The following OSMR variants were observed in gnomAD, a reference collection of about 807,000 sequenced individuals.
The protein encoded by OSMR is oncostatin-M-specific receptor subunit beta.
In OSMR, 81 loss-of-function variants were observed where a neutral mutation model predicts 99.9. The observed-to-expected ratio is 0.81, with a 90% confidence interval of 0.68 to 0.97. OSMR has a LOEUF of 0.97. Among genes scored for constraint, OSMR ranks in the 50% least tolerant of loss-of-function variants. The pLI is 0.00. For missense variants in OSMR, 1,099 were observed against 1,153.4 expected, an observed-to-expected ratio of 0.95 and a Z score of 0.68; for synonymous variants, 406 against 410.4, an observed-to-expected ratio of 0.99 and a Z score of 0.13.
Position 38,886,162 on chromosome 5 carries a change from C to A in OSMR, c.963C>A (p.Val321=). Residue 321 remains valine, a synonymous_variant, in exon 7 of 18, where the codon GTC becomes GTA. Transcript: ENST00000274276. The stretch of plus-strand genomic sequence containing the variant: ...AAAATTACTTAAGGAAGAGAAGTGT[C>A]AATATCCTTTTTAACCTGACTCATC... The part of the protein sequence containing the change: ...IAENYLRKRS[V]NILFNLTHRV... 1 of 1,613,960 alleles carries A rather than the reference C, an allele frequency of 6.2e-7. No homozygotes were observed. Among genetic ancestry groups the A allele is most frequent in the South Asian group, 1.1e-5 (1 of 91,044 alleles).
chr5:38,879,621 CCTT>C (rs1244891649), intron 3 of OSMR, among the ~76,000 whole-genome samples: 1 of 146,830 alleles, frequency 6.8e-6, no homozygotes, highest in Non-Finnish European at 1.5e-5. Flanking sequence ...AATATTTGCT[CCTT>C]TTTTTTTTTT....
chr5:38,940,141 AAC>A (rs1491035987), downstream of OSMR: 65 of 205,884 alleles, frequency 3.2e-4, no homozygotes, highest in South Asian at 1.0e-3. Context: ...AAAAAAAAAA[AAC>A]AAAAAAAAAA....
intron 7 of OSMR, among the ~76,000 whole-genome samples, chr5:38,897,289 T>C (rs539323140): frequency 1.3e-5 from 2 of 152,220 alleles, no homozygotes; most frequent in South Asian, 4.1e-4. Flanking sequence ...GGCTTTTCTT[T>C]GCTGAGAAAC....
chr5:38,932,433 A>C, intron 16 of OSMR, 30 bp from the exon 17 acceptor site: 3 of 1,507,520 alleles, frequency 2.0e-6, no homozygotes, highest in Non-Finnish European at 2.8e-6. Flanking sequence ...GTACTGTGAA[A>C]TTCAGTCTCA....
At chr5:38,931,041 A>G (rs1263731197) in intron 15 of OSMR, among the ~76,000 whole-genome samples, 5 of 151,150 alleles carry the variant, frequency 3.3e-5, no homozygotes, top group Non-Finnish European at 5.9e-5. Context: ...TCCCAGCTCT[A>G]TTTGTCAGGG....
Position 38,921,744 on chromosome 5 carries a change from T to C in OSMR, c.1715T>C (p.Phe572Ser). The C allele has an allele frequency of 6.2e-7, 1 of 1,614,122 alleles. No homozygotes were observed. Among genetic ancestry groups the C allele is most frequent in the Non-Finnish European group, 8.5e-7 (1 of 1,180,004 alleles). The change falls in exon 12 of 18, where the codon TTC (phenylalanine) becomes TCC (serine). Residue 572 changes from phenylalanine to serine, a missense_variant. Coordinates refer to ENST00000274276, the MANE Select transcript of OSMR (RefSeq NM_003999.3). ...CATACCCAGGATGTGCTCGGTGATT[T>C]CCAGTGGAAGAATGTAGGTCCCAAT... ...CDHTQDVLGD[F>S]QWKNVGPNTT...
At chr5:38,917,732 G>A in intron 10 of OSMR, 110 bp downstream of exon 10, 1 of 815,314 alleles carries the variant, frequency 1.2e-6, no homozygotes, top group Non-Finnish European at 2.1e-6. Flanking sequence ...CCAACTGGGA[G>A]GGATCTTCAC....
chr5:38,847,915 A>C (rs1419085916), intron 1 of OSMR, among the ~76,000 whole-genome samples: 10 of 152,162 alleles, frequency 6.6e-5, no homozygotes, highest in Non-Finnish European at 1.3e-4. Context: ...ATTGGGGAGA[A>C]CACATAAACA....
intron 9 of OSMR, among the ~76,000 whole-genome samples, chr5:38,906,171 GT>G (rs3840339): frequency 2.0e-5 from 3 of 148,604 alleles, no homozygotes; most frequent in East Asian, 2.0e-4. Flanking sequence ...TACGTTTTCT[GT>G]TTTTTTTTTG....
intron 11 of OSMR, 186 bp from the exon 12 acceptor site, chr5:38,921,429 G>A (rs565095246): frequency 5.3e-6 from 5 of 943,178 alleles, no homozygotes; most frequent in Admixed American, 6.2e-5. Context: ...GTGAATATTC[G>A]CTGGGAAGTA....
intron 7 of OSMR, among the ~76,000 whole-genome samples, chr5:38,901,103 G>A (rs746438213): frequency 2.6e-5 from 4 of 152,212 alleles, no homozygotes; most frequent in East Asian, 3.9e-4. Flanking sequence ...GGCGGCTGGC[G>A]TGGCCATTGC....
At chr5:38,932,596 G>T (rs1348721590) in intron 17 of OSMR, 61 bp downstream of exon 17, 10 of 1,573,974 alleles carry the variant, frequency 6.4e-6, no homozygotes, top group South Asian at 2.2e-5. Context: ...CAGAGTGGGG[G>T]CTGTCAGAAT....
rs1433952036 is a variant in OSMR at position 38,934,867 on chromosome 5, C to T, written c.*1423C>T. The T allele has an allele frequency of 6.6e-6, 1 of 152,026 alleles. No homozygotes were observed. The highest frequency in any genetic ancestry group is 1.5e-5 in the Non-Finnish European group (1 of 68,072). The allele number at this position is 152,026 out of a possible 1,614,324, so 9.4% of individuals were successfully genotyped here. On this transcript the variant is annotated 3_prime_UTR_variant, in exon 18 of 18. Coordinates refer to ENST00000274276, the MANE Select transcript of OSMR (RefSeq NM_003999.3). ...ATTTATTTTTTGAGATGAAATTTCGCTCTTGTTGCCCAGGCTGGAGTGCAA... is the reference window on the plus strand; with the variant it reads ...ATTTATTTTTTGAGATGAAATTTCGTTCTTGTTGCCCAGGCTGGAGTGCAA...
chr5:38,918,924 C>G lies in OSMR; in HGVS notation c.1447C>G (p.Leu483Val). 6.2e-7 allele frequency: 1 copy of G among 1,613,846 alleles called. No homozygotes were observed. The highest frequency in any genetic ancestry group is 8.5e-7 in the Non-Finnish European group (1 of 1,179,744). ...ENLDKPSSSE[L>V]HSIPAPANST... is the part of the protein sequence containing the mutation. ...CCTAGACAAACCATCCAGTTCAGAG[C>G]TCCATTCCATTCCAGCACCAGCCAA... The change falls in exon 11 of 18, where the codon CTC becomes GTC. Residue 483 changes from leucine to valine, a missense_variant. Coordinates refer to ENST00000274276, the MANE Select transcript of OSMR (RefSeq NM_003999.3).
chr5:38,872,758 C>T (rs1413818296), intron 2 of OSMR, among the ~76,000 whole-genome samples: 5 of 152,060 alleles, frequency 3.3e-5, no homozygotes, highest in African/African-American at 4.8e-5. Context: ...TTTATTTTTA[C>T]TTCCCTTTAT....
At chr5:38,863,133 C>A (rs1306566042) in intron 1 of OSMR, among the ~76,000 whole-genome samples, 1 of 140,448 alleles carries the variant, frequency 7.1e-6, no homozygotes, top group Non-Finnish European at 1.5e-5. Flanking sequence ...AGCTTCGGCT[C>A]GGCATCAGAG....
chr5:38,877,974 T>C (rs1742972557), intron 3 of OSMR, among the ~76,000 whole-genome samples: 1 of 152,044 alleles, frequency 6.6e-6, no homozygotes, highest in African/African-American at 2.4e-5. Flanking sequence ...CCCTTCAGGG[T>C]AGAGTTTTGC....
At chr5:38,856,784 G>T (rs574921502) in intron 1 of OSMR, among the ~76,000 whole-genome samples, 1 of 152,230 alleles carries the variant, frequency 6.6e-6, no homozygotes, top group African/African-American at 2.4e-5. Flanking sequence ...TGGGACTAGG[G>T]GCACGTGCCA....
At chr5:38,881,455 T>G in intron 3 of OSMR, 138 bp from the exon 4 acceptor site, 1 of 1,559,212 alleles carries the variant, frequency 6.4e-7, no homozygotes. Flanking sequence ...GGGAATTGAC[T>G]AGCAGAAGTG....
Sources: allele counts gnomAD v4.1 joint callset (sites outside exome capture counted in the v4.1 genomes callset), GRCh38; gene constraint gnomAD v4.1.1; transcripts MANE v1.5; gene names NCBI Gene and HGNC (gene_info 2026-07-23, HGNC 2026-07-21).